Variants in CSNK1G1 observed in about 807,000 individuals in gnomAD.
CSNK1G1 encodes casein kinase 1 gamma 1, also known as casein kinase I isoform gamma-1.
A neutral mutation model predicts 59.6 loss-of-function variants in CSNK1G1; 22 were observed. That is an observed-to-expected ratio of 0.37 (90% CI 0.26 to 0.53). CSNK1G1 has a LOEUF of 0.53. Ranked by LOEUF, CSNK1G1 falls within the 20% of genes least tolerant of loss-of-function variation. The pLI, the probability that CSNK1G1 is intolerant of heterozygous loss-of-function variation, is 0.89. For missense variants in CSNK1G1, 384 were observed against 519.5 expected, an observed-to-expected ratio of 0.74 and a Z score of 2.54; for synonymous variants, 179 against 177.1, an observed-to-expected ratio of 1.01 and a Z score of -0.08.
intron 1 of CSNK1G1, among the ~76,000 whole-genome samples, chr15:64,320,879 G>A (rs1896527548): frequency 6.6e-6 from 1 of 152,030 alleles, no homozygotes; most frequent in African/African-American, 2.4e-5. Context: ...AGTTCTTAAA[G>A]TGAAATATGG....
At chr15:64,292,210 A>C (rs1485479406) in intron 2 of CSNK1G1, among the ~76,000 whole-genome samples, 2 of 141,222 alleles carry the variant, frequency 1.4e-5, no homozygotes, top group East Asian at 2.0e-4. Context: ...ACTCCGTCAC[A>C]AAAAAAAAAA....
At chr15:64,278,418 G>GTATA (rs751622081) in intron 2 of CSNK1G1, among the ~76,000 whole-genome samples, 1 of 77,704 alleles carries the variant, frequency 1.3e-5, no homozygotes, top group Non-Finnish European at 2.4e-5. Flanking sequence ...GTGTGTGTGT[G>GTATA]TATATATATA....
intron 1 of CSNK1G1, among the ~76,000 whole-genome samples, chr15:64,340,011 T>G (rs1432260131): frequency 6.6e-6 from 1 of 152,260 alleles, no homozygotes; most frequent in Admixed American, 6.5e-5. Flanking sequence ...TCTATCATTA[T>G]TTCTTTTGTA....
At chr15:64,212,290 C>T (rs1272365812) in intron 6 of CSNK1G1, among the ~76,000 whole-genome samples, 1 of 152,188 alleles carries the variant, frequency 6.6e-6, no homozygotes, top group African/African-American at 2.4e-5. Context: ...AATTTCAAAT[C>T]GAATTGTATC....
rs1042584310 is a variant in CSNK1G1 at position 64,323,580 on chromosome 15, G to T, written c.-224-22857C>A. On this transcript the variant is annotated intron_variant, in intron 1 of 11. Coordinates refer to ENST00000303052, the MANE Select transcript of CSNK1G1 (RefSeq NM_022048.5). ...GGGTTTCTCCATGTTGGTCAGGCTG[G>T]TCTCAAACTCCTGACCTCAGGTGAT... Among the ~76,000 whole-genome samples, 4 of 151,962 alleles carry T rather than the reference G, an allele frequency of 2.6e-5. No homozygotes were observed. In the East Asian group the frequency reaches 7.7e-4, roughly 29 times the overall value.
At chr15:64,192,365 T>C (rs989951785) in intron 10 of CSNK1G1, among the ~76,000 whole-genome samples, 8 of 152,196 alleles carry the variant, frequency 5.3e-5, no homozygotes, top group African/African-American at 1.9e-4. Flanking sequence ...TCAGTCGTGA[T>C]TGCATCACCT....
intron 2 of CSNK1G1, among the ~76,000 whole-genome samples, chr15:64,291,305 G>C (rs1272986340): frequency 6.6e-6 from 1 of 152,102 alleles, no homozygotes. Flanking sequence ...TTACATTTTG[G>C]TCTGGGTGCA....
intron 4 of CSNK1G1, among the ~76,000 whole-genome samples, chr15:64,233,573 C>T (rs7179129): frequency 0.027 from 4,146 of 152,214 alleles, 211 homozygotes; most frequent in African/African-American, 0.094. Flanking sequence ...TATTTCATCA[C>T]GCAGTAGGGT....
chr15:64,179,101 C>T (rs1409740756), intron 11 of CSNK1G1, among the ~76,000 whole-genome samples: 1 of 140,658 alleles, frequency 7.1e-6, no homozygotes, highest in Non-Finnish European at 1.5e-5. Context: ...ACTGGCAGGG[C>T]TGGGCACAGT....
chr15:64,218,921 C>A (rs2082348635), intron 4 of CSNK1G1, among the ~76,000 whole-genome samples: 1 of 145,100 alleles, frequency 6.9e-6, no homozygotes, highest in African/African-American at 2.6e-5. Context: ...CTGGCGCCAT[C>A]TCGACTCACT....
intron 4 of CSNK1G1, among the ~76,000 whole-genome samples, chr15:64,240,828 T>C (rs2082683956): frequency 6.6e-6 from 1 of 151,818 alleles, no homozygotes; most frequent in Non-Finnish European, 1.5e-5. Context: ...ATTACCATCA[T>C]AAAAATACGT....
intron 9 of CSNK1G1, among the ~76,000 whole-genome samples, chr15:64,204,236 T>C (rs2082147495): frequency 6.6e-6 from 1 of 151,840 alleles, no homozygotes; most frequent in Admixed American, 6.6e-5. Context: ...CCTATATTAC[T>C]AGGAAAAAAT....
intron 2 of CSNK1G1, among the ~76,000 whole-genome samples, chr15:64,278,692 C>G (rs1893945112): frequency 6.6e-6 from 1 of 152,086 alleles, no homozygotes; most frequent in South Asian, 2.1e-4. Context: ...CTCCCAAGTG[C>G]TGGGATTACA....
chr15:64,309,205 T>C (rs944738071), intron 1 of CSNK1G1, among the ~76,000 whole-genome samples: 1 of 152,106 alleles, frequency 6.6e-6, no homozygotes, highest in South Asian at 2.1e-4. Flanking sequence ...CTGTAATTGC[T>C]TGTCTACTCA....
At chr15:64,225,009 T>C (rs2082439166) in intron 4 of CSNK1G1, among the ~76,000 whole-genome samples, 1 of 148,220 alleles carries the variant, frequency 6.7e-6, no homozygotes, top group South Asian at 2.1e-4. Context: ...CACTTTTCTT[T>C]TTTTTTTTTT....
rs750700978 is a variant in CSNK1G1 at position 64,216,836 on chromosome 15, T to C, written c.293-123A>G. On this transcript the variant is annotated intron_variant, in intron 4 of 11. Transcript: ENST00000303052. This position sits in a 1 kb window ranked among gnomAD's most constrained non-coding sequence, Gnocchi z 4.6. ...CAATTTGTGAGATTTCCATTTTCTT[T>C]CATAGTCCCTACTGGAAACTCAAAC... is the stretch of plus-strand genomic sequence containing the variant. 1.0e-4 allele frequency: 93 copies of C among 921,712 alleles called. No homozygotes were observed. Among genetic ancestry groups the C allele is most frequent in the South Asian group, 2.2e-4 (11 of 50,740 alleles). 57.1% of individuals were successfully genotyped at this position (921,712 alleles called of 1,614,324 possible). A position where few individuals can be genotyped will look rare whatever the true frequency, so the allele number is the denominator to read the frequency against.
intron 4 of CSNK1G1, among the ~76,000 whole-genome samples, chr15:64,238,518 A>T (rs6494468): frequency 0.1 from 4,608 of 45,848 alleles, 198 homozygotes; most frequent in East Asian, 0.25. Context: ...AAAAAAAAAA[A>T]ATATATATAT....
intron 1 of CSNK1G1, among the ~76,000 whole-genome samples, chr15:64,320,024 C>T (rs1896476874): frequency 6.6e-6 from 1 of 150,626 alleles, no homozygotes; most frequent in Admixed American, 6.6e-5. Context: ...CCCACCTCAG[C>T]CTCCTGAGTA....
intron 2 of CSNK1G1, among the ~76,000 whole-genome samples, chr15:64,285,764 A>C (rs1196971822): frequency 6.6e-6 from 1 of 152,294 alleles, no homozygotes; most frequent in Non-Finnish European, 1.5e-5. Flanking sequence ...CTGGATAAAA[A>C]CAGATTGCTC....
Sources: allele counts gnomAD v4.1 joint callset (sites outside exome capture counted in the v4.1 genomes callset), GRCh38; gene constraint gnomAD v4.1.1; non-coding constraint Gnocchi (gnomAD v3.1); transcripts MANE v1.5; gene names NCBI Gene and HGNC (gene_info 2026-07-23, HGNC 2026-07-21).